The following FGGY variants were observed in gnomAD, a reference collection of about 807,000 sequenced individuals.
FGGY encodes the protein FGGY carbohydrate kinase domain containing, also known as FGGY carbohydrate kinase domain-containing protein.
Under a neutral mutation model 71.3 loss-of-function variants are expected in FGGY, and 72 were observed. The observed-to-expected ratio is 1.01, with a 90% CI of 0.84 to 1.23. The LOEUF (loss-of-function observed/expected upper bound fraction) is 1.23, where lower values mean the gene tolerates loss of function less well. Ranked by LOEUF, FGGY falls within the 50% of genes most tolerant of loss-of-function variation. The pLI is 0.00. For missense variants in FGGY, 668 were observed against 682.3 expected (o/e 0.98, Z 0.23); for synonymous variants, 251 against 250.3 (o/e 1.00, Z -0.02).
At chr1:59,419,580 G>C (rs543146273) in intron 5 of FGGY, among the ~76,000 whole-genome samples, 1 of 152,256 alleles carries the variant, frequency 6.6e-6, no homozygotes, top group East Asian at 1.9e-4. Context: ...TTATGAGATT[G>C]GAGTTGTACG....
chr1:59,401,282 G>A (rs1299419146), intron 5 of FGGY, among the ~76,000 whole-genome samples: 1 of 152,098 alleles, frequency 6.6e-6, no homozygotes, highest in African/African-American at 2.4e-5. Context: ...CCATAAGTAG[G>A]TTTTTTCACC....
intron 12 of FGGY, among the ~76,000 whole-genome samples, chr1:59,662,334 A>AAG (rs539001843): frequency 2.7e-5 from 4 of 150,442 alleles, no homozygotes; most frequent in South Asian, 4.2e-4. Context: ...AAAAAAAAAA[A>AAG]AGAGAGAGAT....
At chr1:59,475,157 T>G (rs2093198447) in intron 6 of FGGY, among the ~76,000 whole-genome samples, 2 of 152,204 alleles carry the variant, frequency 1.3e-5, no homozygotes, top group South Asian at 4.1e-4. Context: ...TTTCTGAGCT[T>G]CTTCCTTGGA....
chr1:59,679,042 G>T (rs1470720854), intron 14 of FGGY, among the ~76,000 whole-genome samples: 1 of 152,172 alleles, frequency 6.6e-6, no homozygotes, highest in Admixed American at 6.5e-5. Flanking sequence ...CATGTAAGTG[G>T]CCAGTTGAGA....
At chr1:59,594,698 G>T (rs1420222539) in intron 8 of FGGY, among the ~76,000 whole-genome samples, 1 of 152,206 alleles carries the variant, frequency 6.6e-6, no homozygotes, top group Non-Finnish European at 1.5e-5. Context: ...CATCTGCCCT[G>T]CAGGTGAGAG....
chr1:59,317,343 A>G (rs1485039307), intron 1 of FGGY, among the ~76,000 whole-genome samples: 4 of 151,990 alleles, frequency 2.6e-5, no homozygotes, highest in African/African-American at 9.7e-5. Context: ...TGGGCAAATT[A>G]CTCCACCCTT....
intron 6 of FGGY, among the ~76,000 whole-genome samples, chr1:59,461,433 A>T (rs1250390790): frequency 6.6e-6 from 1 of 152,228 alleles, no homozygotes. Flanking sequence ...AGAAGACCAT[A>T]TCTACATTTG....
intron 7 of FGGY, among the ~76,000 whole-genome samples, chr1:59,518,741 G>GT (rs1377418885): frequency 2.0e-5 from 3 of 152,242 alleles, no homozygotes; most frequent in South Asian, 2.1e-4. Context: ...TGCCATGATC[G>GT]TAAGTTTCCT....
chr1:59,607,871 C>G lies in FGGY; in HGVS notation c.972C>G (p.Phe324Leu), dbSNP rs778117432. The G allele has an allele frequency of 1.9e-6, 3 of 1,613,944 alleles. No homozygotes were observed. In the African/African-American group the frequency reaches 4.0e-5, roughly 22 times the overall value. The change falls in exon 9 of 16, where the codon TTC becomes TTG. Residue 324 changes from phenylalanine to leucine, a missense_variant. By Grantham distance (22) the Phe-to-Leu change is conservative. Around this residue, in one of 2 missense-constraint regions of FGGY, gnomAD observed 661 missense variants for 661.6 expected, o/e 1.00. Coordinates refer to ENST00000303721, the MANE Select transcript of FGGY (RefSeq NM_018291.5). ...GPYFSAMVPG[F>L]WLNEGGQSVT... ...ATTTCTCAGCCATGGTACCTGGGTT[C>G]TGGCTGAATGAAGGTGGTCAGAGCG...
chr1:59,602,832 C>T (rs1171623876), intron 8 of FGGY, among the ~76,000 whole-genome samples: 1 of 152,082 alleles, frequency 6.6e-6, no homozygotes, highest in Admixed American at 6.6e-5. Flanking sequence ...GTAGCACTTG[C>T]CATGTTTTGT....
At chr1:59,680,431 A>G (rs1573079433) in intron 14 of FGGY, among the ~76,000 whole-genome samples, 1 of 146,432 alleles carries the variant, frequency 6.8e-6, no homozygotes, top group African/African-American at 2.5e-5. Context: ...TTATTGCCAC[A>G]CCTGGTTAAC....
At chr1:59,415,839 G>T (rs2064309906) in intron 5 of FGGY, among the ~76,000 whole-genome samples, 1 of 152,190 alleles carries the variant, frequency 6.6e-6, no homozygotes, top group Admixed American at 6.5e-5. Context: ...TAACACCGTA[G>T]CTTCTACAAC....
chr1:59,682,146 A>T (rs893291248), intron 14 of FGGY, among the ~76,000 whole-genome samples: 9 of 152,196 alleles, frequency 5.9e-5, no homozygotes, highest in African/African-American at 2.2e-4. Context: ...CAAATGAGGA[A>T]ACAGGGTTAG....
intron 8 of FGGY, among the ~76,000 whole-genome samples, chr1:59,602,736 CCATCTCTGTGAAATGCT>C (rs2096589632): frequency 6.6e-6 from 1 of 152,174 alleles, no homozygotes; most frequent in Non-Finnish European, 1.5e-5. Flanking sequence ...TTCAAGGTGG[CCATCTCTGTGAAATGCT>C]CACTCTTTTC....
rs546991830 is a variant in FGGY, at chr1:59,709,084, G to A, written c.1512+34951G>A. Among the ~76,000 whole-genome samples the A allele has an allele frequency of 4.1e-4, 62 of 151,324 alleles. No individual in the cohort carries two copies. The South Asian group carries it at 0.011, about 27-fold the overall frequency. ...CACACACATACACACACACGCGCGC[G>A]CGCATACACGTCCTCACTCTGTATT... is the stretch of plus-strand genomic sequence containing the variant. On this transcript the variant is annotated intron_variant, in intron 14 of 15. Coordinates refer to ENST00000303721, the MANE Select transcript of FGGY (RefSeq NM_018291.5).
intron 5 of FGGY, among the ~76,000 whole-genome samples, chr1:59,396,320 G>A (rs904128960): frequency 1.3e-5 from 2 of 152,178 alleles, no homozygotes; most frequent in African/African-American, 4.8e-5. Context: ...TCTAACCTCA[G>A]TGAATGTTTT....
chr1:59,503,593 C>CTATATATATATA (rs2094293101), intron 6 of FGGY, among the ~76,000 whole-genome samples: 2 of 82,046 alleles, frequency 2.4e-5, no homozygotes, highest in African/African-American at 1.4e-4. Context: ...TGTGGTGTCG[C>CTATATATATATA]CATATATATA....
chr1:59,574,798 T>C (rs1426242902), intron 8 of FGGY, among the ~76,000 whole-genome samples: 2 of 152,134 alleles, frequency 1.3e-5, no homozygotes, highest in East Asian at 3.8e-4. Flanking sequence ...AGTAAATTAT[T>C]TGTTAATATG....
At chr1:59,629,489 A>C (rs1014077703) in intron 10 of FGGY, among the ~76,000 whole-genome samples, 3 of 152,202 alleles carry the variant, frequency 2.0e-5, no homozygotes, top group South Asian at 2.1e-4. Context: ...TACAATTACC[A>C]TTGAGAGGGA....
Sources: allele counts gnomAD v4.1 joint callset (sites outside exome capture counted in the v4.1 genomes callset), GRCh38; gene constraint gnomAD v4.1.1; regional missense constraint gnomAD v4.1.1; transcripts MANE v1.5; gene names NCBI Gene and HGNC (gene_info 2026-07-23, HGNC 2026-07-21).